EPHA6: variants seen among roughly 807,000 people sequenced by gnomAD.
The protein encoded by EPHA6 is ephrin type-A receptor 6.
Under a neutral mutation model 112.0 loss-of-function variants are expected in EPHA6, and 50 were observed. The ratio of observed to expected loss-of-function variants is 0.45; its 90% confidence interval spans 0.36 to 0.56. The LOEUF is 0.56. Among genes scored for constraint, EPHA6 ranks in the 20% least tolerant of loss-of-function variants. The probability of loss-of-function intolerance (pLI) is 0.00; values close to 1 mark genes in which losing one functional copy is unlikely to be tolerated. For missense variants in EPHA6, 1,280 were observed against 1,417.4 expected, an observed-to-expected ratio of 0.90 and a Z score of 1.56; for synonymous variants, 529 against 490.7, an observed-to-expected ratio of 1.08 and a Z score of -1.03.
At chr3:96,828,567 G>T (rs16836157) in intron 1 of EPHA6, among the ~76,000 whole-genome samples, 9,419 of 152,124 alleles carry the variant, frequency 0.062, 620 homozygotes, top group Admixed American at 0.21. Context: ...CTTAGGAATG[G>T]CTTGTCCACC....
chr3:96,839,359 A>G (rs1385909300), intron 1 of EPHA6, among the ~76,000 whole-genome samples: 1 of 152,044 alleles, frequency 6.6e-6, no homozygotes. Flanking sequence ...TGTGCTCCGT[A>G]TGAGAATCCA....
intron 7 of EPHA6, among the ~76,000 whole-genome samples, chr3:97,452,769 C>CCA: frequency 6.6e-6 from 1 of 151,046 alleles, no homozygotes; most frequent in Admixed American, 6.6e-5. Flanking sequence ...TAACACATAT[C>CCA]CACACACACA....
chr3:97,682,422 T>C (rs1374132928), intron 14 of EPHA6, among the ~76,000 whole-genome samples: 1 of 152,160 alleles, frequency 6.6e-6, no homozygotes, highest in Non-Finnish European at 1.5e-5. Context: ...ATTGTTAGTA[T>C]TGACAACCCA....
chr3:97,310,239 A>T lies in EPHA6; in HGVS notation c.1606+65952A>T, dbSNP rs140384355. 2.1e-3 allele frequency among the ~76,000 whole-genome samples: 321 copies of T among 151,732 alleles called. 2 individuals carry two copies. The highest frequency in any genetic ancestry group is 7.2e-3 in the African/African-American group (299 of 41,486). Reference sequence around the variant, plus strand: ...CCAACTCAAATAAGTTTATTCAATAAAAGAAATACTTTCTTACAGAGGATT... The same window carrying T: ...CCAACTCAAATAAGTTTATTCAATATAAGAAATACTTTCTTACAGAGGATT... On this transcript the variant is annotated intron_variant, in intron 5 of 17. Transcript: ENST00000389672.
chr3:96,827,429 T>A (rs2033735483), intron 1 of EPHA6, among the ~76,000 whole-genome samples: 1 of 152,116 alleles, frequency 6.6e-6, no homozygotes, highest in South Asian at 2.1e-4. Context: ...TAAAAAAATG[T>A]GTAGAGAACA....
chr3:97,069,187 G>T (rs193061660), intron 3 of EPHA6, among the ~76,000 whole-genome samples: 1 of 152,214 alleles, frequency 6.6e-6, no homozygotes, highest in East Asian at 1.9e-4. Context: ...CACATATTTT[G>T]TAGGATAAAT....
At chr3:96,826,533 C>A (rs1255318330) in intron 1 of EPHA6, among the ~76,000 whole-genome samples, 1 of 152,042 alleles carries the variant, frequency 6.6e-6, no homozygotes, top group African/African-American at 2.4e-5. Context: ...TGCAGTTTCT[C>A]TCAACTTCTG....
At chr3:97,288,058 TAAAAAAAAAAAAGA>T (rs112572114) in intron 5 of EPHA6, among the ~76,000 whole-genome samples, 11,898 of 140,696 alleles carry the variant, frequency 0.085, 902 homozygotes, top group Admixed American at 0.23. Flanking sequence ...TTAGGAGACG[TAAAAAAAAAAAAGA>T]AAAAAGAAAA....
At chr3:97,436,327 A>C (rs1048902673) in intron 6 of EPHA6, among the ~76,000 whole-genome samples, 2 of 152,134 alleles carry the variant, frequency 1.3e-5, no homozygotes, top group African/African-American at 4.8e-5. Flanking sequence ...ATCTTAAGAG[A>C]TACCTGCTTT....
chr3:96,998,067 T>A (rs2043488781), intron 3 of EPHA6, among the ~76,000 whole-genome samples: 1 of 148,162 alleles, frequency 6.7e-6, no homozygotes, highest in South Asian at 2.1e-4. Context: ...TTTATTCTGT[T>A]AACTTTAAGA....
rs571626658 is a variant in EPHA6 at position 96,987,601 on chromosome 3, A to G, written c.722A>G (p.Lys241Arg). 11 of 1,613,584 alleles carry G rather than the reference A, an allele frequency of 6.8e-6. No individual in the cohort carries two copies. The African/African-American group carries it at 1.1e-4, about 16-fold the overall frequency. ...AAATTCAAGCCAAACCAGTATACAA[A>G]GATCGACACAATTGCTGCTGATGAG... ...GIKFKPNQYT[K>R]IDTIAADESF... Residue 241 changes from lysine (K) to arginine (R), a missense_variant, in exon 3 of 18, where the codon AAG becomes AGG. Physicochemically the swap from Lys to Arg is conservative, Grantham distance 26 (BLOSUM62 2). Around this residue, in one of 4 missense-constraint regions of EPHA6, gnomAD observed 878 missense variants for 999.7 expected, o/e 0.88. Transcript: ENST00000389672.
chr3:96,981,511 C>CT (rs61173241), intron 2 of EPHA6, among the ~76,000 whole-genome samples: 3,031 of 147,506 alleles, frequency 0.021, 98 homozygotes, highest in African/African-American at 0.068. Flanking sequence ...CTAAAATTCT[C>CT]TTTTTTTTTT....
intron 3 of EPHA6, among the ~76,000 whole-genome samples, chr3:97,200,177 A>G (rs1333561131): frequency 1.3e-5 from 2 of 152,146 alleles, no homozygotes; most frequent in South Asian, 2.1e-4. Context: ...TCAATCAAGT[A>G]TAAGAGAAAT....
At chr3:97,029,433 G>C (rs1174801614) in intron 3 of EPHA6, among the ~76,000 whole-genome samples, 2 of 151,738 alleles carry the variant, frequency 1.3e-5, no homozygotes, top group Non-Finnish European at 2.9e-5. Context: ...TTATGTAAGA[G>C]AAATACTAAT....
rs1576312453 is a variant in EPHA6, at chr3:97,699,696, A to C, written c.2785-20565A>C. On this transcript the variant is annotated intron_variant, in intron 14 of 17. Transcript: ENST00000389672. ...AATTAAAACTTAAAACTGAGCAAGA[A>C]TATAAGGCCTGTACGAATAAGCTAT... 4.6e-5 allele frequency among the ~76,000 whole-genome samples: 7 copies of C among 152,362 alleles called. 2 individuals carry two copies. Among genetic ancestry groups the C allele is most frequent in the Admixed American group, 4.6e-4 (7 of 15,296 alleles).
chr3:97,041,759 C>T (rs529731554), intron 3 of EPHA6, among the ~76,000 whole-genome samples: 1 of 152,072 alleles, frequency 6.6e-6, no homozygotes, highest in African/African-American at 2.4e-5. Context: ...GCAGGAAAGT[C>T]TTATATGGCC....
chr3:97,344,787 C>T (rs1004581791), intron 5 of EPHA6, among the ~76,000 whole-genome samples: 1 of 152,028 alleles, frequency 6.6e-6, no homozygotes, highest in Admixed American at 6.6e-5. Context: ...TTTGCATACT[C>T]TAATTTGCTA....
chr3:97,145,818 C>T (rs2108362998), intron 3 of EPHA6, among the ~76,000 whole-genome samples: 1 of 151,186 alleles, frequency 6.6e-6, no homozygotes, highest in South Asian at 2.1e-4. Context: ...CAACGTGTAG[C>T]TTAAGAGATA....
At chr3:97,512,978 T>C (rs1482715162) in intron 10 of EPHA6, among the ~76,000 whole-genome samples, 2 of 152,224 alleles carry the variant, frequency 1.3e-5, no homozygotes, top group African/African-American at 4.8e-5. Context: ...CCTTCTCAAT[T>C]AACTATTGAA....
Sources: gnomAD v4.1 joint callset for allele counts (sites outside exome capture counted in the v4.1 genomes callset) on GRCh38, gnomAD v4.1.1 for gene constraint, gnomAD v4.1.1 regional missense constraint, MANE v1.5 for transcripts, NCBI Gene and HGNC (gene_info 2026-07-23, HGNC 2026-07-21) for gene names.